The following DGKD variants were observed in gnomAD, a reference collection of about 807,000 sequenced individuals.
The protein encoded by DGKD is diacylglycerol kinase delta, also known as DAG kinase delta.
A neutral mutation model predicts 154.4 loss-of-function variants in DGKD; 68 were observed. The ratio of observed to expected loss-of-function variants is 0.44; its 90% CI spans 0.36 to 0.54. The LOEUF is 0.54. Among genes scored for constraint, DGKD ranks in the 20% least tolerant of loss-of-function variants. The pLI is 0.00. For missense variants in DGKD, 1,343 were observed against 1,593.6 expected (o/e 0.84, Z 2.68); for synonymous variants, 693 against 638.0 (o/e 1.09, Z -1.30).
intron 18 of DGKD, among the ~76,000 whole-genome samples, chr2:233,453,417 A>C (rs917060112): frequency 2.0e-5 from 3 of 152,052 alleles, no homozygotes; most frequent in Non-Finnish European, 2.9e-5. Flanking sequence ...GGACCTATAC[A>C]TGCTGGCCAG....
Position 233,449,135 on chromosome 2 carries a change from T to A in DGKD, c.1647T>A (p.Leu549=). Residue 549 remains leucine, a synonymous_variant, in exon 15 of 30, where the codon CTT becomes CTA. Coordinates refer to ENST00000264057, the MANE Select transcript of DGKD (RefSeq NM_152879.3). The surrounding 1 kb of genome is among the most constrained non-coding windows in gnomAD (Gnocchi z 5.3). The part of the protein sequence containing the change: ...CSVLKEKLDS[L]LKTLDDESQA... ...TCCTGAAAGAGAAGCTGGATTCCCT[T>A]CTCAAGACCTTGGACGATGAGTCCC... 1.2e-6 allele frequency: 2 copies of A among 1,605,898 alleles called. No individual in the cohort carries two copies. The highest frequency in any genetic ancestry group is 1.7e-4 in the Middle Eastern group (1 of 6,040).
At position 233,404,661 on chromosome 2, in the gene DGKD, C is replaced by G. The variant is rs190659917; in HGVS notation, c.348+14178C>G. Among the ~76,000 whole-genome samples, 235 of 152,048 alleles carry G rather than the reference C, an allele frequency of 1.5e-3. 2 individuals are homozygous for G. Among genetic ancestry groups the G allele is most frequent in the Non-Finnish European group, 2.5e-3 (173 of 67,860 alleles). On this transcript the variant is annotated intron_variant, in intron 3 of 29. Transcript: ENST00000264057. ...CAGATATCCTAAGCCTCCAGAATCT[C>G]TAGAGGATTGGCATGTCACATAACT... is the stretch of plus-strand genomic sequence containing the variant.
chr2:233,383,317 A>G, intron 1 of DGKD, among the ~76,000 whole-genome samples: 1 of 152,116 alleles, frequency 6.6e-6, no homozygotes, highest in East Asian at 1.9e-4. Flanking sequence ...CTGGAATTAC[A>G]GGCATGAGCC....
chr2:233,367,352 C>T (rs966994066), intron 1 of DGKD, among the ~76,000 whole-genome samples: 3 of 152,050 alleles, frequency 2.0e-5, no homozygotes, highest in Non-Finnish European at 4.4e-5. Flanking sequence ...CCTCAGCTTC[C>T]CAAGCAGCTG....
chr2:233,462,222 C>G, intron 24 of DGKD, 126 bp from the exon 25 acceptor site: 1 of 693,684 alleles, frequency 1.4e-6, no homozygotes, highest in Non-Finnish European at 2.4e-6. Context: ...CGATCCCTGT[C>G]GTCCTGCTGG....
Position 233,468,689 on chromosome 2 carries a change from G to A in DGKD, c.3555+136G>A. On this transcript the variant is annotated intron_variant, in intron 29 of 29. Coordinates refer to ENST00000264057, the MANE Select transcript of DGKD (RefSeq NM_152879.3). ...GGCTTTCGTGTATACCTCAGGTGGG[G>A]GCGGCTGTGGCCCTCATCTAGGCAG... The A allele has an allele frequency of 3.6e-6, 5 of 1,376,384 alleles. No homozygotes were observed. In the South Asian group the frequency reaches 5.6e-5, roughly 16 times the overall value. The allele number at this position is 1,376,384 out of a possible 1,614,324, so 85.3% of individuals were successfully genotyped here.
Position 233,354,588 on chromosome 2 carries a change from TC to T in DGKD, c.71del (p.Ser24CysfsTer37), listed in dbSNP as rs1324556661. 1 of 1,104,960 alleles carries T rather than the reference TC, an allele frequency of 9.1e-7. No individual in the cohort carries two copies. The highest frequency in any genetic ancestry group is 1.1e-6 in the Non-Finnish European group (1 of 892,572). The allele number at this position is 1,104,960 out of a possible 1,614,324, so 68.4% of individuals were successfully genotyped here. On this transcript the variant is annotated frameshift_variant, in exon 1 of 30. Coordinates refer to ENST00000264057, the MANE Select transcript of DGKD (RefSeq NM_152879.3). LOFTEE classifies it high-confidence loss of function. The surrounding 1 kb of genome is among the most constrained non-coding windows in gnomAD (Gnocchi z 4.8). ...GCCTCCGCCGCCGCCGCCCGAGGAGTCGTCCGACAGCGAGCCCGAGGCGGAG... is the reference window on the plus strand; with the variant it reads ...GCCTCCGCCGCCGCCGCCCGAGGAGTGTCCGACAGCGAGCCCGAGGCGGAG... ...QPPPPPPPEE[S>X]SDSEPEAEPG...
Position 233,459,988 on chromosome 2 carries a change from C to T in DGKD, c.2829+97C>T. 3 of 1,453,726 alleles carry T rather than the reference C, an allele frequency of 2.1e-6. No homozygotes were observed. Among genetic ancestry groups the T allele is most frequent in the Admixed American group, 5.6e-5 (2 of 35,594 alleles). The allele number at this position is 1,453,726 out of a possible 1,614,324, so 90.1% of individuals were successfully genotyped here. On this transcript the variant is annotated intron_variant, in intron 23 of 29. Coordinates refer to ENST00000264057, the MANE Select transcript of DGKD (RefSeq NM_152879.3). This position sits in a 1 kb window ranked among gnomAD's most constrained non-coding sequence, Gnocchi z 5.7. ...GAGCTGGAGCTTTTTGTGTTTTGTT[C>T]TAGGATTTTTTTTTTTTTTAAGACA...
chr2:233,446,755 T>G lies in DGKD; in HGVS notation c.1378T>G (p.Ser460Ala), dbSNP rs147593791. 34 of 1,614,158 alleles carry G rather than the reference T, an allele frequency of 2.1e-5. No homozygotes were observed. Among genetic ancestry groups the G allele is most frequent in the Middle Eastern group, 1.6e-4 (1 of 6,062 alleles). The change falls in exon 12 of 30, where the codon TCC (serine) becomes GCC (alanine). Residue 460 changes from serine to alanine, a missense_variant. By Grantham distance (99) the Ser-to-Ala change is moderately conservative. Transcript: ENST00000264057. ...AYEAKLPRQA[S>A]SSTVTEDFSE... Reference sequence around the variant, plus strand: ...CGAGGCCAAGCTCCCCCGGCAGGCCTCCTCCTCTACCGTCACCGAAGACTT... The same window carrying G: ...CGAGGCCAAGCTCCCCCGGCAGGCCGCCTCCTCTACCGTCACCGAAGACTT...
rs942105058 is a variant in DGKD at position 233,441,242 on chromosome 2, C to G, written c.1086-645C>G. On this transcript the variant is annotated intron_variant, in intron 9 of 29. Coordinates refer to ENST00000264057, the MANE Select transcript of DGKD (RefSeq NM_152879.3). The surrounding 1 kb of genome is among the most constrained non-coding windows in gnomAD (Gnocchi z 5.6). ...GGGGGAGCCCAGGAAGGAAGGAAAC[C>G]GAGGAGTTAGGAGGGTAGGAGGCGT... Among the ~76,000 whole-genome samples the G allele has an allele frequency of 1.3e-5, 2 of 152,020 alleles. No homozygotes were observed. Among genetic ancestry groups the G allele is most frequent in the Non-Finnish European group, 2.9e-5 (2 of 67,984 alleles).
intron 1 of DGKD, among the ~76,000 whole-genome samples, chr2:233,359,866 A>G (rs1390001356): frequency 6.6e-6 from 1 of 152,124 alleles, no homozygotes; most frequent in Non-Finnish European, 1.5e-5. Context: ...TGTGATGGGG[A>G]CGGGTGCTGA....
chr2:233,354,653 G>A lies in DGKD; in HGVS notation c.135G>A (p.Thr45=). Residue 45 remains threonine, a synonymous_variant, in exon 1 of 30, where the codon ACG becomes ACA. Transcript: ENST00000264057. The surrounding 1 kb of genome is among the most constrained non-coding windows in gnomAD (Gnocchi z 4.8). ...SPQKLIRKVS[T]SGQIRQKTII... Reference sequence around the variant, plus strand: ...AGAAGCTCATCCGCAAGGTGTCCACGTCGGGTCAGATCCGACAGAAGGTGA... The same window carrying A: ...AGAAGCTCATCCGCAAGGTGTCCACATCGGGTCAGATCCGACAGAAGGTGA... The A allele has an allele frequency of 9.3e-7, 1 of 1,075,378 alleles. No homozygotes were observed. Among genetic ancestry groups the A allele is most frequent in the Non-Finnish European group, 1.1e-6 (1 of 880,090 alleles). 66.6% of individuals were successfully genotyped at this position (1,075,378 alleles called of 1,614,324 possible).
chr2:233,366,776 GC>G (rs1210272249), intron 1 of DGKD, among the ~76,000 whole-genome samples: 1 of 151,998 alleles, frequency 6.6e-6, no homozygotes, highest in East Asian at 1.9e-4. Flanking sequence ...CGGGGTCAGG[GC>G]CCGATTGGAT....
chr2:233,462,500 G>A (rs1371671867), intron 25 of DGKD, 41 bp downstream of exon 25: 2 of 1,570,330 alleles, frequency 1.3e-6, no homozygotes, highest in Non-Finnish European at 1.7e-6. Context: ...TCTTCTCAGT[G>A]TCTGCCGCCC....
At chr2:233,427,372 A>C (rs1575098900) in intron 3 of DGKD, among the ~76,000 whole-genome samples, 3 of 118,730 alleles carry the variant, frequency 2.5e-5, no homozygotes, top group African/African-American at 6.7e-5. Flanking sequence ...ACAGGGTCTC[A>C]CTCTGTCACC....
rs1041086770 is a variant in DGKD at position 233,471,989 on chromosome 2, C to A, written c.*2529C>A. The A allele has an allele frequency of 1.3e-5, 2 of 152,352 alleles. No individual in the cohort carries two copies. Among genetic ancestry groups the A allele is most frequent in the Non-Finnish European group, 2.9e-5 (2 of 68,050 alleles). 9.4% of individuals were successfully genotyped at this position (152,352 alleles called of 1,614,324 possible). On this transcript the variant is annotated 3_prime_UTR_variant, in exon 30 of 30. Coordinates refer to ENST00000264057, the MANE Select transcript of DGKD (RefSeq NM_152879.3). ...TTTATAATCTTAATTTATATAGTGA[C>A]CACCGTGGAAACAAACGCCTCTTGT...
intron 3 of DGKD, among the ~76,000 whole-genome samples, chr2:233,391,040 A>T (rs1703571587): frequency 6.6e-6 from 1 of 152,198 alleles, no homozygotes; most frequent in African/African-American, 2.4e-5. Flanking sequence ...GCTGGTTCAC[A>T]TCTTACTACC....
intron 1 of DGKD, among the ~76,000 whole-genome samples, chr2:233,355,149 G>A (rs770710783): frequency 3.9e-5 from 6 of 152,076 alleles, no homozygotes; most frequent in Non-Finnish European, 8.8e-5. Context: ...TCCCTGTGGT[G>A]CCCTCAGAAG....
intron 3 of DGKD, among the ~76,000 whole-genome samples, chr2:233,414,158 C>G (rs2061899118): frequency 6.6e-6 from 1 of 152,146 alleles, no homozygotes. Context: ...CATGAATCAG[C>G]CAGGGAGTTA....
Sources: allele counts gnomAD v4.1 joint callset (sites outside exome capture counted in the v4.1 genomes callset), GRCh38; gene constraint gnomAD v4.1.1; non-coding constraint Gnocchi (gnomAD v3.1); transcripts MANE v1.5; gene names NCBI Gene and HGNC (gene_info 2026-07-23, HGNC 2026-07-21).